FHL2: variants seen among roughly 807,000 people sequenced by gnomAD.
FHL2 encodes four and a half LIM domains 2.
A neutral mutation model predicts 32.7 loss-of-function variants in FHL2; 20 were observed. The observed-to-expected ratio is 0.61, with a 90% CI of 0.43 to 0.89. The LOEUF is 0.89. FHL2 is among the 40% of genes least tolerant of loss of function. The pLI is 0.00. For missense variants in FHL2, 311 were observed against 358.6 expected, an observed-to-expected ratio of 0.87 and a Z score of 1.07; for synonymous variants, 123 against 128.1, an observed-to-expected ratio of 0.96 and a Z score of 0.27.
intron 1 of FHL2, among the ~76,000 whole-genome samples, chr2:105,404,553 G>C (rs1416990965): frequency 6.6e-6 from 1 of 152,322 alleles, no homozygotes; most frequent in East Asian, 1.9e-4. Flanking sequence ...TACGGGCAGG[G>C]TATGCACCTG....
intron 1 of FHL2, among the ~76,000 whole-genome samples, chr2:105,419,043 A>G (rs957379620): frequency 6.6e-6 from 1 of 152,188 alleles, no homozygotes; most frequent in Non-Finnish European, 1.5e-5. Context: ...ATATTTGTAT[A>G]CAAGTATTTT....
At chr2:105,422,595 C>T (rs543611626) in intron 1 of FHL2, among the ~76,000 whole-genome samples, 35 of 149,772 alleles carry the variant, frequency 2.3e-4, no homozygotes, top group Admixed American at 1.1e-3. Flanking sequence ...ATCAATTTTC[C>T]GCTAATTTGT....
intron 2 of FHL2, among the ~76,000 whole-genome samples, chr2:105,388,868 AACT>A (rs903951892): frequency 2.8e-4 from 42 of 152,226 alleles, no homozygotes; most frequent in Admixed American, 4.6e-4. Context: ...TTGGCTATGT[AACT>A]CTGAGCAAGA....
chr2:105,363,638 C>T (rs1680434664), intron 5 of FHL2, among the ~76,000 whole-genome samples, 167 bp from the exon 6 acceptor site: 1 of 152,220 alleles, frequency 6.6e-6, no homozygotes, highest in Admixed American at 6.5e-5. Context: ...ACCCTCACCA[C>T]ACGCTTTCAT....
intron 1 of FHL2, among the ~76,000 whole-genome samples, chr2:105,409,352 A>G (rs1014843451): frequency 6.6e-6 from 1 of 152,086 alleles, no homozygotes; most frequent in Admixed American, 6.6e-5. Context: ...ATTTTAGAGG[A>G]AGAAGCTGAA....
chr2:105,420,428 C>T (rs897827155), intron 1 of FHL2, among the ~76,000 whole-genome samples: 7 of 152,126 alleles, frequency 4.6e-5, no homozygotes, highest in East Asian at 1.9e-4. Context: ...ACTAATTACT[C>T]GGTAACAACC....
At chr2:105,371,970 T>C (rs968535343) in intron 4 of FHL2, among the ~76,000 whole-genome samples, 5 of 152,136 alleles carry the variant, frequency 3.3e-5, no homozygotes, top group Non-Finnish European at 7.3e-5. Context: ...AGGATCCACA[T>C]GATCTTAGAA....
chr2:105,436,708 T>C (rs1363744262), intron 1 of FHL2, among the ~76,000 whole-genome samples: 1 of 152,168 alleles, frequency 6.6e-6, no homozygotes. Flanking sequence ...AAAGATATCT[T>C]AGAATGAATA....
chr2:105,369,012 G>A (rs1680837025), intron 4 of FHL2, among the ~76,000 whole-genome samples: 1 of 152,204 alleles, frequency 6.6e-6, no homozygotes, highest in Admixed American at 6.5e-5. Flanking sequence ...CGAGTAGTGT[G>A]CAGCTGTGTG....
intron 4 of FHL2, among the ~76,000 whole-genome samples, chr2:105,369,220 T>C (rs1382479375): frequency 2.6e-5 from 4 of 152,212 alleles, no homozygotes; most frequent in Non-Finnish European, 5.9e-5. Flanking sequence ...ACAGAGGGAC[T>C]GCCCCGCTCC....
chr2:105,373,350 G>A (rs1254164451), intron 4 of FHL2, among the ~76,000 whole-genome samples: 1 of 152,176 alleles, frequency 6.6e-6, no homozygotes, highest in Non-Finnish European at 1.5e-5. Flanking sequence ...TGCCCCACGT[G>A]CACAGCAAAA....
chr2:105,395,996 A>G (rs778714854), intron 2 of FHL2, among the ~76,000 whole-genome samples: 4 of 152,186 alleles, frequency 2.6e-5, no homozygotes, highest in Non-Finnish European at 5.9e-5. Flanking sequence ...TGCAGAGAGC[A>G]TGTTTTACAG....
At chr2:105,413,923 T>C (rs1683863541) in intron 1 of FHL2, among the ~76,000 whole-genome samples, 1 of 152,202 alleles carries the variant, frequency 6.6e-6, no homozygotes, top group African/African-American at 2.4e-5. Flanking sequence ...AATTCAATTC[T>C]GACACTATCT....
intron 2 of FHL2, among the ~76,000 whole-genome samples, chr2:105,393,162 A>G (rs1682857010): frequency 6.6e-6 from 1 of 152,134 alleles, no homozygotes; most frequent in Middle Eastern, 3.4e-3. Flanking sequence ...ATCCTTTTCA[A>G]TGCACCTTTT....
At chr2:105,379,970 T>A (rs1681759656) in intron 3 of FHL2, among the ~76,000 whole-genome samples, 1 of 152,212 alleles carries the variant, frequency 6.6e-6, no homozygotes, top group Non-Finnish European at 1.5e-5. Flanking sequence ...GGTTTCCCTG[T>A]CACTCTCTGA....
chr2:105,378,495 T>C, intron 3 of FHL2: 1 of 218,528 alleles, frequency 4.6e-6, no homozygotes, highest in East Asian at 1.3e-4. Flanking sequence ...TGGTGTAGAG[T>C]GGACACCTGA....
In FHL2 at chr2:105,414,478, C is replaced by G. The variant is rs138943866; in HGVS notation, c.-25+23921G>C. 3.2e-3 allele frequency among the ~76,000 whole-genome samples: 491 copies of G among 152,274 alleles called. 5 individuals carry two copies. Among genetic ancestry groups the G allele is most frequent in the East Asian group, 0.031 (160 of 5,172 alleles). ...CTGAAGCTAGCTAGGACCCGCCCCC[C>G]CTCCGCCGCCATTATCTCATTAGCA... On this transcript the variant is annotated intron_variant, in intron 1 of 5. Coordinates refer to the FHL2 transcript ENST00000393352.
upstream of FHL2, among the ~76,000 whole-genome samples, chr2:105,403,728 G>A (rs1558721927): frequency 6.6e-6 from 1 of 152,184 alleles, no homozygotes; most frequent in Non-Finnish European, 1.5e-5. Flanking sequence ...AGAAACCTAC[G>A]AAATGTCAGT....
chr2:105,395,869 A>T (rs1558714130), intron 2 of FHL2, among the ~76,000 whole-genome samples: 1 of 152,194 alleles, frequency 6.6e-6, no homozygotes, highest in Admixed American at 6.5e-5. Flanking sequence ...GGCGTGGGCC[A>T]CCGAAGGCTG....
Sources: gnomAD v4.1 joint callset for allele counts (sites outside exome capture counted in the v4.1 genomes callset) on GRCh38, gnomAD v4.1.1 for gene constraint, MANE v1.5 for transcripts, NCBI Gene and HGNC (gene_info 2026-07-23, HGNC 2026-07-21) for gene names.